The following SULT1A2 variants were observed in gnomAD, a reference collection of about 807,000 sequenced individuals.
SULT1A2 encodes the protein sulfotransferase family 1A member 2.
Under a neutral mutation model 36.0 loss-of-function variants are expected in SULT1A2, and 33 were observed. The ratio of observed to expected loss-of-function variants is 0.92; its 90% CI spans 0.69 to 1.22. SULT1A2 has a LOEUF of 1.22. SULT1A2 is among the 50% of genes most tolerant of loss of function. SULT1A2 has a pLI of 0.00. For synonymous variants in SULT1A2, 138 were observed against 144.5 expected, an observed-to-expected ratio of 0.96 and a Z score of 0.32; for missense variants, 367 against 383.2, an observed-to-expected ratio of 0.96 and a Z score of 0.35.
Position 28,593,509 on chromosome 16 carries a change from G to A in SULT1A2, c.432C>T (p.His144=). Residue 144 remains histidine (H), a synonymous_variant, in exon 5 of 8, where the codon CAC becomes CAT. Coordinates refer to ENST00000335715, the MANE Select transcript of SULT1A2 (RefSeq NM_001054.4). ...CAGGGTGAGGGTACACTTTGGCCAT[G>A]TGGTAGAAGTGGTAGTAGGAAACCG... The part of the protein sequence containing the change: ...DVAVSYYHFY[H]MAKVYPHPGT... The A allele has an allele frequency of 1.2e-6, 2 of 1,614,208 alleles. No individual in the cohort carries two copies. Among genetic ancestry groups the A allele is most frequent in the Non-Finnish European group, 1.7e-6 (2 of 1,180,044 alleles).
intron 4 of SULT1A2, among the ~76,000 whole-genome samples, chr16:28,594,728 C>G (rs1196451043): frequency 6.9e-6 from 1 of 145,280 alleles, no homozygotes; most frequent in African/African-American, 2.5e-5. Context: ...GCTGGTATTA[C>G]AGGCGTGAGC....
At chr16:28,595,295 T>G in intron 4 of SULT1A2, 72 bp downstream of exon 4, 1 of 1,586,952 alleles carries the variant, frequency 6.3e-7, no homozygotes, top group South Asian at 1.1e-5. Flanking sequence ...ACTTCTGGCT[T>G]CAAGGGATCT....
chr16:28,593,660 G>C, intron 4 of SULT1A2, 92 bp from the exon 5 acceptor site: 1 of 1,577,112 alleles, frequency 6.3e-7, no homozygotes, highest in South Asian at 1.2e-5. Flanking sequence ...AGGAAGCTGA[G>C]GCTTAGAGGC....
At chr16:28,592,744 T>C (rs1383476427) in intron 6 of SULT1A2, among the ~76,000 whole-genome samples, 2 of 152,186 alleles carry the variant, frequency 1.3e-5, no homozygotes, top group Non-Finnish European at 2.9e-5. Flanking sequence ...ATAGCTGATC[T>C]GTGGCAAGGG....
chr16:28,595,443 G>T lies in SULT1A2; in HGVS notation c.296C>A (p.Thr99Lys), dbSNP rs530005107. The change falls in exon 4 of 8, where the codon ACA becomes AAA. Residue 99 changes from threonine (T) to lysine (K), a missense_variant. Physicochemically the swap from Thr to Lys is moderately conservative, Grantham distance 78. Coordinates refer to ENST00000335715, the MANE Select transcript of SULT1A2 (RefSeq NM_001054.4). ...IPSGMETLKN[T>K]PAPRLLKTHL... ...TGTCTTCAGGAGTCGTGGGGCTGGTGTGTTTTTCAGAGTCTCCATCCCTGA... is the reference window on the plus strand; with the variant it reads ...TGTCTTCAGGAGTCGTGGGGCTGGTTTGTTTTTCAGAGTCTCCATCCCTGA... 9 of 1,614,098 alleles carry T rather than the reference G, an allele frequency of 5.6e-6. No individual in the cohort carries two copies. Among genetic ancestry groups the T allele is most frequent in the Non-Finnish European group, 7.6e-6 (9 of 1,180,004 alleles).
At chr16:28,596,412 CA>C in intron 1 of SULT1A2, 1 of 1,002,674 alleles carries the variant, frequency 1.0e-6, no homozygotes, top group Non-Finnish European at 1.2e-6. Context: ...TCACATGTGG[CA>C]ACTCCTAGGC....
chr16:28,593,998 A>G (rs1417350815), intron 4 of SULT1A2, among the ~76,000 whole-genome samples: 2 of 151,920 alleles, frequency 1.3e-5, no homozygotes, highest in African/African-American at 4.8e-5. Context: ...CGACTCTCCC[A>G]GAAGAACAGG....
At chr16:28,593,227 A>G (rs1169876237) in intron 6 of SULT1A2, 25 bp downstream of exon 6, 6 of 1,612,210 alleles carry the variant, frequency 3.7e-6, no homozygotes, top group Non-Finnish European at 5.1e-6. Flanking sequence ...TGTCACGTGG[A>G]GGGAAGCATC....
intron 1 of SULT1A2, chr16:28,596,426 G>T: frequency 1.1e-6 from 1 of 928,724 alleles, no homozygotes; most frequent in Non-Finnish European, 1.4e-6. Context: ...TCCTAGGCTG[G>T]CCAGGCCTGT....
At chr16:28,593,070 G>A (rs1156667610) in intron 6 of SULT1A2, among the ~76,000 whole-genome samples, 182 bp downstream of exon 6, 1 of 152,182 alleles carries the variant, frequency 6.6e-6, no homozygotes, top group African/African-American at 2.4e-5. Context: ...CAGGAGATGA[G>A]AGCTGTGCCC....
chr16:28,593,118 C>T (rs1215500751), intron 6 of SULT1A2, 134 bp downstream of exon 6: 3 of 1,342,428 alleles, frequency 2.2e-6, no homozygotes, highest in Non-Finnish European at 3.1e-6. Context: ...GGGCCTGGGC[C>T]AGGGAGTCAA....
chr16:28,596,488 T>G, intron 1 of SULT1A2: 1 of 619,408 alleles, frequency 1.6e-6, no homozygotes, highest in South Asian at 2.6e-5. Flanking sequence ...AACAGCCCAT[T>G]GAGCAACTGA....
Position 28,592,267 on chromosome 16 carries a change from C to T in SULT1A2, c.771G>A (p.Arg257=). ...CCCGTGCTGGCCGGCACCTACCTTT[C>T]CTCATGAAGGGGGAGATGCTGTGGT... ...FMDHSISPFM[R]KGMAGDWKTT... is the part of the protein sequence containing the mutation. Residue 257 remains arginine, a synonymous_variant, in exon 7 of 8, where the codon AGG becomes AGA. Coordinates refer to ENST00000335715, the MANE Select transcript of SULT1A2 (RefSeq NM_001054.4). 7 of 1,613,972 alleles carry T rather than the reference C, an allele frequency of 4.3e-6. No homozygotes were observed. Among genetic ancestry groups the T allele is most frequent in the South Asian group, 2.2e-5 (2 of 91,078 alleles).
rs545331312 is a variant in SULT1A2, at chr16:28,594,092, GTT to G, written c.373-526_373-525del. On this transcript the variant is annotated intron_variant, in intron 4 of 7. Transcript: ENST00000335715. ...CCTTTGCTTTTTTCTTTTTGTTGTG[GTT>G]TTTTTTTTTTTTTGGGGGGGGGGAC... is the stretch of plus-strand genomic sequence containing the variant. 1.4e-3 allele frequency among the ~76,000 whole-genome samples: 180 copies of G among 124,554 alleles called. 1 individual carries two copies. Among genetic ancestry groups the G allele is most frequent in the African/African-American group, 1.8e-3 (65 of 35,536 alleles). The allele number at this position is 124,554 out of a possible 152,430, so 81.7% of individuals were successfully genotyped here. A position where few individuals can be genotyped will look rare whatever the true frequency, so the allele number is the denominator to read the frequency against.
In SULT1A2 at chr16:28,593,275, G is replaced by A. The variant is rs768558668; in HGVS notation, c.571C>T (p.Leu191Phe). ...ACCTCCTTCATGTCTTCATAGAAGAGGTAGAGAACAGGGTGGGTGCGGCTC... is the reference window on the plus strand; with the variant it reads ...ACCTCCTTCATGTCTTCATAGAAGAAGTAGAGAACAGGGTGGGTGCGGCTC... The part of the protein sequence containing the change: ...ELSRTHPVLY[L>F]FYEDMKENPK... The change falls in exon 6 of 8, where the codon CTC becomes TTC. Residue 191 changes from leucine (L) to phenylalanine (F), a missense_variant. Transcript: ENST00000335715. 12 of 1,613,900 alleles carry A rather than the reference G, an allele frequency of 7.4e-6. No individual in the cohort carries two copies. The Admixed American group carries it at 1.8e-4, about 25-fold the overall frequency.
intron 1 of SULT1A2, chr16:28,596,274 C>G: frequency 8.0e-7 from 1 of 1,251,364 alleles, no homozygotes; most frequent in Non-Finnish European, 1.0e-6. Flanking sequence ...TGAGGAACCT[C>G]TAGGACCTTC....
chr16:28,595,432 G>A lies in SULT1A2; in HGVS notation c.307C>T (p.Arg103Ter), dbSNP rs559346977. 8.7e-6 allele frequency: 14 copies of A among 1,613,906 alleles called. No individual in the cohort carries two copies. The highest frequency in any genetic ancestry group is 1.3e-5 in the African/African-American group (1 of 74,878). ...AGGGGCAGGTGTGTCTTCAGGAGTCGTGGGGCTGGTGTGTTTTTCAGAGTC... is the reference window on the plus strand; with the variant it reads ...AGGGGCAGGTGTGTCTTCAGGAGTCATGGGGCTGGTGTGTTTTTCAGAGTC... ...METLKNTPAP[R>*]LLKTHLPLAL... The change falls in exon 4 of 8, where the codon CGA (arginine) becomes TGA (stop). Residue 103 changes from arginine (R) to a stop codon, truncating the protein, a stop_gained. Coordinates refer to ENST00000335715, the MANE Select transcript of SULT1A2 (RefSeq NM_001054.4). LOFTEE classifies it high-confidence loss of function.
Position 28,595,653 on chromosome 16 carries a change from A to G in SULT1A2, c.171T>C (p.Ile57=), listed in dbSNP as rs763133875. The G allele has an allele frequency of 1.2e-6, 2 of 1,614,000 alleles. No homozygotes were observed. The highest frequency in any genetic ancestry group is 2.7e-5 in the African/African-American group (2 of 74,912). Residue 57 remains isoleucine (I), a synonymous_variant, in exon 3 of 8, where the codon ATT becomes ATC. Coordinates refer to ENST00000335715, the MANE Select transcript of SULT1A2 (RefSeq NM_001054.4). ...CACCGCCCTGGTAGATCATGTCCAGAATCTGGCTCACCCAGGTGGTGCCTG... is the reference window on the plus strand; with the variant it reads ...CACCGCCCTGGTAGATCATGTCCAGGATCTGGCTCACCCAGGTGGTGCCTG... ...PKSGTTWVSQ[I]LDMIYQGGDL...
rs375487351 is a variant in SULT1A2, at chr16:28,593,582, A to T, written c.373-14T>A. On this transcript the variant is annotated splice_polypyrimidine_tract_variant and intron_variant, in intron 4 of 7. Coordinates refer to ENST00000335715, the MANE Select transcript of SULT1A2 (RefSeq NM_001054.4). ...AACATAGACCACCTGCAGGGGCAGA[A>T]GACTCAACCCCAGCACCATCACCAC... The T allele has an allele frequency of 2.9e-5, 46 of 1,613,978 alleles. No individual in the cohort carries two copies. In the African/African-American group the frequency reaches 5.5e-4, roughly 19 times the overall value.
Sources: allele counts gnomAD v4.1 joint callset (sites outside exome capture counted in the v4.1 genomes callset), GRCh38; gene constraint gnomAD v4.1.1; transcripts MANE v1.5; gene names NCBI Gene and HGNC (gene_info 2026-07-23, HGNC 2026-07-21).